NFASC: variants seen among roughly 807,000 people sequenced by gnomAD.
The protein encoded by NFASC is neurofascin, also known as neurofascin homolog.
Under a neutral mutation model 147.5 loss-of-function variants are expected in NFASC, and 43 were observed. The ratio of observed to expected loss-of-function variants is 0.29; its 90% CI spans 0.23 to 0.38. The LOEUF (loss-of-function observed/expected upper bound fraction) is 0.38, where lower values mean the gene tolerates loss of function less well. Among genes scored for constraint, NFASC ranks in the 10% least tolerant of loss-of-function variants. The probability of loss-of-function intolerance (pLI) is 1.00; values close to 1 mark genes in which losing one functional copy is unlikely to be tolerated. For missense variants in NFASC, 1,320 were observed against 1,689.0 expected, an observed-to-expected ratio of 0.78 and a Z score of 3.83; for synonymous variants, 622 against 665.5, an observed-to-expected ratio of 0.93 and a Z score of 1.01.
chr1:204,971,593 T>G (rs1334281462), intron 11 of NFASC, among the ~76,000 whole-genome samples: 1 of 152,188 alleles, frequency 6.6e-6, no homozygotes, highest in Non-Finnish European at 1.5e-5. Context: ...ATATATTGTA[T>G]GCCACATTCT....
chr1:204,923,704 C>T (rs1044744457), intron 2 of NFASC, among the ~76,000 whole-genome samples: 2 of 152,112 alleles, frequency 1.3e-5, no homozygotes, highest in African/African-American at 4.8e-5. Flanking sequence ...GCCCCCAAAC[C>T]GATTTCAGGC....
intron 21 of NFASC, among the ~76,000 whole-genome samples, chr1:204,982,454 AG>A (rs2095527267): frequency 6.6e-6 from 1 of 152,222 alleles, no homozygotes; most frequent in Admixed American, 6.5e-5. Flanking sequence ...TGTAGGAAGC[AG>A]GGCAGCTGGC....
At chr1:204,992,935 G>A (rs534102323) in intron 24 of NFASC, among the ~76,000 whole-genome samples, 20 of 152,324 alleles carry the variant, frequency 1.3e-4, no homozygotes, top group Admixed American at 5.9e-4. Context: ...ATGAGCTCAC[G>A]GTCTCAATCA....
chr1:204,844,074 C>CA (rs1676280150), intron 1 of NFASC, among the ~76,000 whole-genome samples: 1 of 152,146 alleles, frequency 6.6e-6, no homozygotes, highest in Admixed American at 6.5e-5. Context: ...TGTGCAATGC[C>CA]AGAGTGCATG....
intron 2 of NFASC, among the ~76,000 whole-genome samples, chr1:204,926,400 ATATATATTTTTTTTTTTTTTTT>A (rs1403200753): frequency 0.072 from 2,134 of 29,590 alleles, 50 homozygotes; most frequent in Non-Finnish European, 0.099. Context: ...ATATATATAT[ATATATATTTTTTTTTTTTTTTT>A]TTTTTTTTTT....
At chr1:204,988,419 T>G (rs1458219525) in intron 22 of NFASC, among the ~76,000 whole-genome samples, 1 of 152,200 alleles carries the variant, frequency 6.6e-6, no homozygotes, top group African/African-American at 2.4e-5. Context: ...ACAGGATCAG[T>G]GAAGAAGGAT....
intron 2 of NFASC, among the ~76,000 whole-genome samples, chr1:204,924,005 G>C (rs1280486523): frequency 1.3e-5 from 2 of 152,232 alleles, no homozygotes; most frequent in Non-Finnish European, 2.9e-5. Context: ...GCAAAGGGAG[G>C]CCCTTCTAGG....
At chr1:205,009,295 TA>T (rs1049602712) in intron 27 of NFASC, 18 of 590,688 alleles carry the variant, frequency 3.0e-5, no homozygotes, top group Non-Finnish European at 5.3e-5. Flanking sequence ...TTCCCCTTCC[TA>T]AAGGACCTGT....
chr1:205,014,877 G>A (rs59552858), intron 29 of NFASC, among the ~76,000 whole-genome samples: 9,397 of 152,172 alleles, frequency 0.062, 671 homozygotes, highest in African/African-American at 0.17. Flanking sequence ...CTGCAAGTGG[G>A]GTGAGGAGCC....
At chr1:204,852,753 G>A (rs1487209194) in intron 1 of NFASC, among the ~76,000 whole-genome samples, 2 of 152,328 alleles carry the variant, frequency 1.3e-5, no homozygotes, top group East Asian at 3.9e-4. Flanking sequence ...TGAGCTCAGG[G>A]CCTGGTCCTG....
rs1159158641 is a variant in NFASC, at chr1:205,009,646, A to G, written c.3379A>G (p.Ile1127Val). ...AIALLVLILL[I>V]VCFIKRSRGG... ...CGCCCTCCTGGTGCTGATCCTGCTC[A>G]TCGTCTGTTTCATCAAGAGGAGTCG... The change falls in exon 28 of 30, where the codon ATC becomes GTC. Residue 1127 changes from isoleucine (I) to valine (V), a missense_variant. Transcript: ENST00000339876. 4 of 1,613,976 alleles carry G rather than the reference A, an allele frequency of 2.5e-6. No individual in the cohort carries two copies. The highest frequency in any genetic ancestry group is 1.3e-5 in the African/African-American group (1 of 74,888).
At chr1:204,847,295 A>G (rs1280857366) in intron 1 of NFASC, among the ~76,000 whole-genome samples, 1 of 152,224 alleles carries the variant, frequency 6.6e-6, no homozygotes, top group Non-Finnish European at 1.5e-5. Flanking sequence ...TAAGTGCTTT[A>G]AATAGATACT....
intron 21 of NFASC, among the ~76,000 whole-genome samples, chr1:204,982,349 C>T (rs953023599): frequency 1.3e-5 from 2 of 152,232 alleles, no homozygotes; most frequent in East Asian, 3.8e-4. Context: ...CCAGGTCTTC[C>T]GATCCCCTGG....
At chr1:204,846,219 C>T (rs1676999916) in intron 1 of NFASC, among the ~76,000 whole-genome samples, 1 of 149,718 alleles carries the variant, frequency 6.7e-6, no homozygotes, top group Admixed American at 6.7e-5. Flanking sequence ...AAAAAGAGGG[C>T]CAGGGAGGGT....
chr1:204,872,545 G>A (rs1165131819), intron 1 of NFASC, among the ~76,000 whole-genome samples: 2 of 152,178 alleles, frequency 1.3e-5, no homozygotes, highest in Non-Finnish European at 2.9e-5. Context: ...CAGTCAGCCG[G>A]CTGGGCACCT....
At chr1:204,973,472 C>A in intron 12 of NFASC, 53 bp downstream of exon 12, 1 of 1,598,610 alleles carries the variant, frequency 6.3e-7, no homozygotes, top group Non-Finnish European at 8.5e-7. Flanking sequence ...ACTGCACAGT[C>A]GCCCTGGGGC....
intron 21 of NFASC, among the ~76,000 whole-genome samples, chr1:204,984,714 A>G (rs1172592339): frequency 6.6e-6 from 1 of 152,104 alleles, no homozygotes. Flanking sequence ...ATGGACTATC[A>G]AGGCTCTTGG....
At chr1:204,860,359 G>A (rs2076552080) in intron 1 of NFASC, among the ~76,000 whole-genome samples, 1 of 152,158 alleles carries the variant, frequency 6.6e-6, no homozygotes, top group Admixed American at 6.5e-5. Context: ...GTTTTGGTGT[G>A]GTGAGAGGTC....
At chr1:204,858,077 C>A (rs992931148) in intron 1 of NFASC, among the ~76,000 whole-genome samples, 10 of 151,666 alleles carry the variant, frequency 6.6e-5, no homozygotes, top group Non-Finnish European at 1.3e-4. Context: ...CTGCCGTAAC[C>A]CCCAGCTAAT....
Sources: allele counts gnomAD v4.1 joint callset (sites outside exome capture counted in the v4.1 genomes callset), GRCh38; gene constraint gnomAD v4.1.1; transcripts MANE v1.5; gene names NCBI Gene and HGNC (gene_info 2026-07-23, HGNC 2026-07-21).